The following JMJD1C variants were observed in gnomAD, a reference collection of about 807,000 sequenced individuals.
JMJD1C encodes the protein jumonji domain containing 1C.
Under a neutral mutation model 245.3 loss-of-function variants are expected in JMJD1C, and 31 were observed. The ratio of observed to expected loss-of-function variants is 0.13; its 90% CI spans 0.09 to 0.17. The LOEUF is 0.17. Ranked by LOEUF, JMJD1C falls within the 10% of genes least tolerant of loss-of-function variation. JMJD1C has a pLI of 1.00. For missense variants in JMJD1C, 2,691 were observed against 3,000.2 expected (o/e 0.90, Z 2.41); for synonymous variants, 1,057 against 1,017.4 (o/e 1.04, Z -0.74).
intron 1 of JMJD1C, among the ~76,000 whole-genome samples, chr10:63,460,476 A>G (rs1952712505): frequency 6.6e-6 from 1 of 152,168 alleles, no homozygotes; most frequent in Non-Finnish European, 1.5e-5. Flanking sequence ...CAATGATCAC[A>G]CCACTGCACT....
intron 1 of JMJD1C, among the ~76,000 whole-genome samples, chr10:63,476,200 A>AT (rs1825918222): frequency 6.6e-6 from 1 of 150,484 alleles, no homozygotes; most frequent in South Asian, 2.1e-4. Flanking sequence ...ACAGAATGAG[A>AT]TTTTGTCTAA....
At chr10:63,361,387 C>T (rs1945310663) in intron 2 of JMJD1C, among the ~76,000 whole-genome samples, 1 of 152,162 alleles carries the variant, frequency 6.6e-6, no homozygotes, top group Admixed American at 6.6e-5. Context: ...TGCGCCATTG[C>T]ACTCCAGTCT....
rs1847023335 is a variant in JMJD1C, at chr10:63,209,205, T to A, written c.2725A>T (p.Thr909Ser). 1.2e-6 allele frequency: 2 copies of A among 1,612,000 alleles called. No homozygotes were observed. The highest frequency in any genetic ancestry group is 2.7e-5 in the African/African-American group (2 of 74,804). ...ATACCATCTGCTGAGGTCACAGGGG[T>A]GGGCTGATGTAGCCAAGGACTGGGA... ...NSPSPWLHQP[T>S]PVTSADGIGL... is the part of the protein sequence containing the mutation. The change falls in exon 9 of 26, where the codon ACC becomes TCC. Residue 909 changes from threonine (T) to serine (S), a missense_variant. Thr to Ser is a moderately conservative substitution (Grantham distance 58, BLOSUM62 1). This residue lies in a region of JMJD1C where 1,562 missense variants were observed against 1,490.7 expected (regional missense o/e 1.05). Coordinates refer to ENST00000399262, the MANE Select transcript of JMJD1C (RefSeq NM_032776.3).
chr10:63,494,504 G>A (rs544176912), intron 1 of JMJD1C, among the ~76,000 whole-genome samples: 3 of 151,866 alleles, frequency 2.0e-5, no homozygotes, highest in Non-Finnish European at 4.4e-5. Flanking sequence ...TTAGAACATG[G>A]TAATAAATAA....
At chr10:63,480,242 T>C (rs1953788964) in intron 1 of JMJD1C, among the ~76,000 whole-genome samples, 2 of 152,154 alleles carry the variant, frequency 1.3e-5, no homozygotes, top group African/African-American at 2.4e-5. Context: ...AGCCCATCTT[T>C]TGCAACCCTG....
intron 1 of JMJD1C, among the ~76,000 whole-genome samples, chr10:63,430,069 G>A (rs763366941): frequency 1.3e-5 from 2 of 152,114 alleles, no homozygotes; most frequent in Non-Finnish European, 2.9e-5. Context: ...TAAAAAAGTT[G>A]GTATGGTTCC....
chr10:63,428,250 G>A (rs187383690), intron 1 of JMJD1C, among the ~76,000 whole-genome samples: 1 of 152,158 alleles, frequency 6.6e-6, no homozygotes, highest in Non-Finnish European at 1.5e-5. Context: ...CTTTGCAAAT[G>A]TATATACTTA....
intron 1 of JMJD1C, among the ~76,000 whole-genome samples, chr10:63,399,530 T>G (rs1185673735): frequency 6.6e-6 from 1 of 152,160 alleles, no homozygotes; most frequent in Non-Finnish European, 1.5e-5. Flanking sequence ...TTATTTCTCT[T>G]ATACTGAAAA....
chr10:63,380,530 T>C, intron 1 of JMJD1C, 48 bp from the exon 2 acceptor site: 1 of 1,471,218 alleles, frequency 6.8e-7, no homozygotes, highest in Non-Finnish European at 9.3e-7. Flanking sequence ...AGAAGAGTGG[T>C]ATATCTTTTT....
chr10:63,314,548 A>C (rs9415690), intron 2 of JMJD1C, among the ~76,000 whole-genome samples: 1 of 151,724 alleles, frequency 6.6e-6, no homozygotes, highest in South Asian at 2.1e-4. Flanking sequence ...CCCTGTCACA[A>C]ACACACACAC....
chr10:63,437,650 C>T (rs1297700480), intron 1 of JMJD1C, among the ~76,000 whole-genome samples: 1 of 152,130 alleles, frequency 6.6e-6, no homozygotes, highest in Non-Finnish European at 1.5e-5. Flanking sequence ...CTCTTTTTCC[C>T]AAATGCCTTG....
intron 2 of JMJD1C, among the ~76,000 whole-genome samples, chr10:63,334,151 CCA>C (rs962321252): frequency 3.9e-5 from 6 of 152,092 alleles, no homozygotes; most frequent in Admixed American, 3.9e-4. Context: ...TCAGCATGTA[CCA>C]CTTTTTCAGT....
intron 2 of JMJD1C, among the ~76,000 whole-genome samples, chr10:63,284,850 G>A (rs1857785295): frequency 1.5e-5 from 2 of 131,806 alleles, no homozygotes; most frequent in Admixed American, 8.1e-5. Context: ...TCCCTGGCAG[G>A]GAAGATTCAC....
At chr10:63,423,534 CACTT>C (rs1198163327) in intron 1 of JMJD1C, among the ~76,000 whole-genome samples, 2 of 152,206 alleles carry the variant, frequency 1.3e-5, no homozygotes, top group African/African-American at 2.4e-5. Context: ...ATAGCCACCT[CACTT>C]TATTTATCAA....
chr10:63,504,164 T>G (rs768196853), intron 1 of JMJD1C, among the ~76,000 whole-genome samples: 18 of 152,234 alleles, frequency 1.2e-4, no homozygotes, highest in Non-Finnish European at 1.9e-4. Context: ...TTTCTGGCTA[T>G]AGATAACCAC....
rs145407135 is a variant in JMJD1C, at chr10:63,319,047, C to T, written c.334-54283G>A. Among the ~76,000 whole-genome samples, 151 of 151,922 alleles carry T rather than the reference C, an allele frequency of 9.9e-4. 4 individuals are homozygous for T. The East Asian group carries it at 0.024, about 24-fold the overall frequency. On this transcript the variant is annotated intron_variant, in intron 2 of 25. Coordinates refer to ENST00000399262, the MANE Select transcript of JMJD1C (RefSeq NM_032776.3). The stretch of plus-strand genomic sequence containing the variant: ...AGGCCAAGGTGGGCGGATCACAAGG[C>T]CAGGAGATCGACACCATCCTGACTA...
intron 2 of JMJD1C, among the ~76,000 whole-genome samples, chr10:63,363,654 C>A (rs1169128375): frequency 2.0e-5 from 3 of 152,074 alleles, no homozygotes; most frequent in Admixed American, 6.6e-5. Flanking sequence ...TTTCTAAAAT[C>A]TGCTAGCATT....
chr10:63,466,718 TC>T (rs1271927427), upstream of JMJD1C, among the ~76,000 whole-genome samples: 1 of 151,716 alleles, frequency 6.6e-6, no homozygotes, highest in African/African-American at 2.4e-5. Flanking sequence ...GCAGAGAAAA[TC>T]CCCAGATTCA....
At chr10:63,258,537 T>A (rs1044168184) in intron 3 of JMJD1C, among the ~76,000 whole-genome samples, 3 of 152,180 alleles carry the variant, frequency 2.0e-5, no homozygotes, top group African/African-American at 7.2e-5. Context: ...AAGCTGACAT[T>A]CTACTGTCCC....
Sources: gnomAD v4.1 joint callset for allele counts (sites outside exome capture counted in the v4.1 genomes callset) on GRCh38, gnomAD v4.1.1 for gene constraint, gnomAD v4.1.1 regional missense constraint, MANE v1.5 for transcripts, NCBI Gene and HGNC (gene_info 2026-07-23, HGNC 2026-07-21) for gene names.